The following RALGAPA2 variants were observed in gnomAD, a reference collection of about 807,000 sequenced individuals.
RALGAPA2 encodes the protein ral GTPase-activating protein subunit alpha-2.
A neutral mutation model predicts 230.4 loss-of-function variants in RALGAPA2; 139 were observed. The observed-to-expected ratio is 0.60, with a 90% CI of 0.53 to 0.69. The LOEUF (loss-of-function observed/expected upper bound fraction) is 0.69, where lower values mean the gene tolerates loss of function less well. Among genes scored for constraint, RALGAPA2 ranks in the 30% least tolerant of loss-of-function variants. RALGAPA2 has a pLI of 0.00. For missense variants in RALGAPA2, 2,163 were observed against 2,276.0 expected, an observed-to-expected ratio of 0.95 and a Z score of 1.01; for synonymous variants, 847 against 837.8, an observed-to-expected ratio of 1.01 and a Z score of -0.19.
chr20:20,584,796 T>A (rs1271490531), intron 19 of RALGAPA2, 69 bp downstream of exon 19: 16 of 1,192,292 alleles, frequency 1.3e-5, no homozygotes, highest in Non-Finnish European at 1.9e-5. Flanking sequence ...ATAATAATAA[T>A]AAAATGTAAA....
chr20:20,392,652 A>C lies in RALGAPA2; in HGVS notation c.*637T>G, dbSNP rs1474461930. The stretch of plus-strand genomic sequence containing the variant: ...CAGGTACCATGTGGGAAAACACTGG[A>C]CAACTGAGGTAAAACTTCTCCTGGG... On this transcript the variant is annotated 3_prime_UTR_variant, in exon 40 of 40. Coordinates refer to ENST00000202677, the MANE Select transcript of RALGAPA2 (RefSeq NM_020343.4). 1 of 163,734 alleles carries C rather than the reference A, an allele frequency of 6.1e-6. No individual in the cohort carries two copies. The highest frequency in any genetic ancestry group is 1.3e-5 in the Non-Finnish European group (1 of 74,374). The allele number at this position is 163,734 out of a possible 1,614,324, so 10.1% of individuals were successfully genotyped here. A position where few individuals can be genotyped will look rare whatever the true frequency, so the allele number is the denominator to read the frequency against.
intron 19 of RALGAPA2, 72 bp downstream of exon 19, chr20:20,584,793 T>A: frequency 8.6e-7 from 1 of 1,157,174 alleles, no homozygotes; most frequent in Non-Finnish European, 1.3e-6. Context: ...ATAATAATAA[T>A]AATAAAATGT....
chr20:20,453,939 AT>A (rs35547385), intron 37 of RALGAPA2, among the ~76,000 whole-genome samples: 3 of 152,176 alleles, frequency 2.0e-5, no homozygotes, highest in Non-Finnish European at 4.4e-5. Context: ...TTTTGTCAAG[AT>A]TTTTTTAAGC....
At chr20:20,401,286 T>C (rs6081988) in intron 38 of RALGAPA2, among the ~76,000 whole-genome samples, 10,383 of 152,110 alleles carry the variant, frequency 0.068, 487 homozygotes, top group Middle Eastern at 0.11. Context: ...CAGAAGTGGC[T>C]CCAAGATTTT....
At chr20:20,555,357 T>C (rs1309229174) in intron 23 of RALGAPA2, among the ~76,000 whole-genome samples, 2 of 152,234 alleles carry the variant, frequency 1.3e-5, no homozygotes, top group African/African-American at 4.8e-5. Context: ...AGGAAACTAG[T>C]AATTCTCTAA....
At chr20:20,604,671 GA>G (rs1282309115) in intron 15 of RALGAPA2, among the ~76,000 whole-genome samples, 1 of 150,464 alleles carries the variant, frequency 6.6e-6, no homozygotes, top group African/African-American at 2.4e-5. Context: ...AACATTATGA[GA>G]TTTTTTTTTT....
intron 39 of RALGAPA2, among the ~76,000 whole-genome samples, chr20:20,395,457 A>C (rs2059692977): frequency 6.6e-6 from 1 of 151,886 alleles, no homozygotes; most frequent in Admixed American, 6.6e-5. Flanking sequence ...CTCGAACCTC[A>C]CCTCCCCACT....
At chr20:20,457,980 A>G (rs966478904) in intron 37 of RALGAPA2, among the ~76,000 whole-genome samples, 1 of 152,172 alleles carries the variant, frequency 6.6e-6, no homozygotes, top group African/African-American at 2.4e-5. Context: ...TGAGGGAGGC[A>G]GGGCCCCTGG....
At chr20:20,664,674 C>T (rs1238487945) in intron 3 of RALGAPA2, among the ~76,000 whole-genome samples, 3 of 152,114 alleles carry the variant, frequency 2.0e-5, no homozygotes, top group African/African-American at 7.2e-5. Flanking sequence ...CACTAGTTGG[C>T]CATCCGTTTT....
In RALGAPA2 at chr20:20,585,223, TGGAA is replaced by T. The variant is rs1215841342; in HGVS notation, c.2440-272_2440-269del. Among the ~76,000 whole-genome samples the T allele has an allele frequency of 2.6e-5, 4 of 152,226 alleles. No individual in the cohort carries two copies. The East Asian group carries it at 7.7e-4, about 29-fold the overall frequency. On this transcript the variant is annotated intron_variant, in intron 18 of 39. Coordinates refer to ENST00000202677, the MANE Select transcript of RALGAPA2 (RefSeq NM_020343.4). ...ATCTAAGAAGGAATGCTAAATTATA[TGGAA>T]GGAATTTGTTTTAAAGTTCTATTTG...
In RALGAPA2 at chr20:20,584,896, C is replaced by A; in HGVS notation, c.2499G>T (p.Gln833His). The A allele has an allele frequency of 1.2e-6, 2 of 1,611,948 alleles. No homozygotes were observed. Among genetic ancestry groups the A allele is most frequent in the Non-Finnish European group, 1.7e-6 (2 of 1,178,690 alleles). ...GTCTTTCCCTACATTTTCCTTGTGT[C>A]TGCTGCAAATCATCTTTCAAATCCA... ...AELDLKDDLQQTQGKCRERQK... is the reference protein window; with the variant it reads ...AELDLKDDLQHTQGKCRERQK... The change falls in exon 19 of 40, where the codon CAG becomes CAT. Residue 833 changes from glutamine to histidine, a missense_variant. Gln to His is a conservative substitution (Grantham distance 24). Transcript: ENST00000202677.
chr20:20,438,695 T>C (rs1569400686), intron 37 of RALGAPA2, among the ~76,000 whole-genome samples: 1 of 152,206 alleles, frequency 6.6e-6, no homozygotes, highest in African/African-American at 2.4e-5. Context: ...AGGGTCAAGC[T>C]GGGGTTGCCA....
At chr20:20,614,181 C>T (rs1468166451) in intron 13 of RALGAPA2, among the ~76,000 whole-genome samples, 4 of 152,212 alleles carry the variant, frequency 2.6e-5, no homozygotes, top group African/African-American at 9.6e-5. Context: ...AAACTGCTCA[C>T]ACTCTTTTCT....
intron 30 of RALGAPA2, among the ~76,000 whole-genome samples, chr20:20,523,298 G>A (rs562486706): frequency 1.3e-5 from 2 of 152,320 alleles, no homozygotes; most frequent in Non-Finnish European, 2.9e-5. Context: ...TATGTGTGTA[G>A]AGGGAAGGGA....
chr20:20,454,945 G>C (rs1463116798), intron 37 of RALGAPA2, among the ~76,000 whole-genome samples: 1 of 152,188 alleles, frequency 6.6e-6, no homozygotes, highest in African/African-American at 2.4e-5. Flanking sequence ...TGATGGTCTG[G>C]AGCAGCACCA....
Position 20,390,880 on chromosome 20 carries a change from C to T in RALGAPA2, c.*2409G>A, listed in dbSNP as rs934623551. Reference sequence around the variant, plus strand: ...TAGTCACCAAACTGCTGGCTGTCATCGGGGGTCATGGGGTCGTTATAATCC... The same window carrying T: ...TAGTCACCAAACTGCTGGCTGTCATTGGGGGTCATGGGGTCGTTATAATCC... On this transcript the variant is annotated 3_prime_UTR_variant, in exon 40 of 40. Coordinates refer to ENST00000202677, the MANE Select transcript of RALGAPA2 (RefSeq NM_020343.4). The T allele has an allele frequency of 1.3e-5, 2 of 152,062 alleles. No homozygotes were observed. The highest frequency in any genetic ancestry group is 6.5e-5 in the Admixed American group (1 of 15,274). 9.4% of individuals were successfully genotyped at this position (152,062 alleles called of 1,614,324 possible). A position where few individuals can be genotyped will look rare whatever the true frequency, so the allele number is the denominator to read the frequency against.
At chr20:20,553,306 C>T (rs1000357406) in intron 23 of RALGAPA2, among the ~76,000 whole-genome samples, 14 of 152,120 alleles carry the variant, frequency 9.2e-5, no homozygotes, top group Non-Finnish European at 5.9e-5. Flanking sequence ...AATTCTAGCA[C>T]TTTAGGAAGC....
chr20:20,690,746 G>A (rs2068872918), intron 1 of RALGAPA2, among the ~76,000 whole-genome samples: 1 of 152,094 alleles, frequency 6.6e-6, no homozygotes, highest in African/African-American at 2.4e-5. Context: ...CCAGGCCTAA[G>A]ATGAGATAGG....
At chr20:20,606,347 T>C (rs549204067) in intron 14 of RALGAPA2, among the ~76,000 whole-genome samples, 10 of 152,300 alleles carry the variant, frequency 6.6e-5, no homozygotes, top group African/African-American at 1.7e-4. Flanking sequence ...TGAATCTCCA[T>C]GTCCAGCTTA....
Sources: gnomAD v4.1 joint callset for allele counts (sites outside exome capture counted in the v4.1 genomes callset) on GRCh38, gnomAD v4.1.1 for gene constraint, MANE v1.5 for transcripts, NCBI Gene and HGNC (gene_info 2026-07-23, HGNC 2026-07-21) for gene names.